Variants in GRIK1 observed in about 807,000 individuals in gnomAD.
GRIK1 encodes glutamate receptor ionotropic, kainate 1.
Under a neutral mutation model 105.7 loss-of-function variants are expected in GRIK1, and 69 were observed. The observed-to-expected ratio is 0.65, with a 90% CI of 0.54 to 0.80. The LOEUF (loss-of-function observed/expected upper bound fraction) is 0.80. Ranked by LOEUF, GRIK1 falls within the 30% of genes least tolerant of loss-of-function variation. The pLI, the probability that GRIK1 is intolerant of heterozygous loss-of-function variation, is 0.00. For synonymous variants in GRIK1, 438 were observed against 431.3 expected, an observed-to-expected ratio of 1.02 and a Z score of -0.19; for missense variants, 1,109 against 1,167.3, an observed-to-expected ratio of 0.95 and a Z score of 0.73.
chr21:29,844,580 A>C (rs910334441), intron 1 of GRIK1, among the ~76,000 whole-genome samples: 16 of 152,244 alleles, frequency 1.1e-4, no homozygotes, highest in African/African-American at 3.6e-4. Flanking sequence ...TGATTTAAGG[A>C]AAATATAACA....
At chr21:29,756,345 CA>C (rs1569054646) in intron 1 of GRIK1, among the ~76,000 whole-genome samples, 4 of 152,118 alleles carry the variant, frequency 2.6e-5, no homozygotes, top group African/African-American at 9.7e-5. Context: ...GGTGCCACTG[CA>C]CTCCAGCCTG....
chr21:29,628,524 G>C (rs111575580), intron 7 of GRIK1, among the ~76,000 whole-genome samples: 11 of 152,226 alleles, frequency 7.2e-5, no homozygotes, highest in African/African-American at 2.4e-4. Flanking sequence ...GGGTAAACTG[G>C]TTTTTATTTC....
chr21:29,777,946 G>A (rs759619579), intron 1 of GRIK1, among the ~76,000 whole-genome samples: 1 of 152,168 alleles, frequency 6.6e-6, no homozygotes, highest in Non-Finnish European at 1.5e-5. Context: ...TCACCATGAC[G>A]CAACACAAAG....
chr21:29,802,473 A>G (rs1389725115), intron 1 of GRIK1, among the ~76,000 whole-genome samples: 1 of 152,076 alleles, frequency 6.6e-6, no homozygotes, highest in Non-Finnish European at 1.5e-5. Context: ...TTTTCAAAAA[A>G]AATATTGCTC....
intron 1 of GRIK1, among the ~76,000 whole-genome samples, chr21:29,914,104 A>G (rs887583456): frequency 1.3e-5 from 2 of 151,958 alleles, no homozygotes; most frequent in African/African-American, 4.8e-5. Flanking sequence ...CCTGCATACT[A>G]TAGGACATTT....
chr21:29,740,141 G>A (rs1354181823), intron 1 of GRIK1, among the ~76,000 whole-genome samples: 2 of 152,020 alleles, frequency 1.3e-5, no homozygotes, highest in Non-Finnish European at 2.9e-5. Context: ...ACGATAGTAT[G>A]AGTAATAATA....
chr21:29,541,575 C>CTTTTTTTTTTTTTTTTT lies in GRIK1; in HGVS notation c.2608-3708_2608-3692dup, dbSNP rs34910439. ...CTATGCCATTCATTGCACTCACGGT[C>CTTTTTTTTTTTTTTTTT]TTTTTTTTTTTTTTTTTTTTTGTGG... On this transcript the variant is annotated intron_variant, in intron 16 of 17. Transcript: ENST00000327783. Among the ~76,000 whole-genome samples the CTTTTTTTTTTTTTTTTT allele has an allele frequency of 1.8e-3, 176 of 95,966 alleles. 21 individuals are homozygous for CTTTTTTTTTTTTTTTTT. The highest frequency in any genetic ancestry group is 8.0e-3 in the East Asian group (25 of 3,144). 63.0% of individuals were successfully genotyped at this position (95,966 alleles called of 152,430 possible).
chr21:29,880,418 A>G (rs1601929907), intron 1 of GRIK1, among the ~76,000 whole-genome samples: 3 of 152,168 alleles, frequency 2.0e-5, no homozygotes, highest in Non-Finnish European at 1.5e-5. Context: ...TGATCAGAGA[A>G]TCTTATTACA....
intron 1 of GRIK1, among the ~76,000 whole-genome samples, chr21:29,927,200 T>C (rs2146344661): frequency 6.6e-6 from 1 of 152,116 alleles, no homozygotes; most frequent in Admixed American, 6.5e-5. Context: ...GTAGAATAGG[T>C]AAAAGACAGA....
chr21:29,795,891 T>C (rs1003029110), intron 1 of GRIK1, among the ~76,000 whole-genome samples: 48 of 152,276 alleles, frequency 3.2e-4, no homozygotes, highest in African/African-American at 1.1e-3. Context: ...GTCTAACTTG[T>C]CTCATATTTG....
At chr21:29,541,272 T>C (rs1977525) in intron 16 of GRIK1, among the ~76,000 whole-genome samples, 108,844 of 152,092 alleles carry the variant, frequency 0.72, 39,343 homozygotes, top group Admixed American at 0.81. Context: ...GGCCTACAAG[T>C]GACTTTTAAT....
chr21:29,897,807 T>A (rs562623746), intron 1 of GRIK1, among the ~76,000 whole-genome samples: 1 of 152,356 alleles, frequency 6.6e-6, no homozygotes, highest in Admixed American at 6.5e-5. Context: ...CACTTCATTG[T>A]AGCTGTTCTG....
chr21:29,685,253 C>A (rs962588932), intron 3 of GRIK1, among the ~76,000 whole-genome samples: 1 of 152,172 alleles, frequency 6.6e-6, no homozygotes, highest in Admixed American at 6.5e-5. Flanking sequence ...AGCCATAGTA[C>A]AGAGTATGCA....
chr21:29,566,862 G>A (rs1291052533), intron 14 of GRIK1, among the ~76,000 whole-genome samples: 1 of 151,810 alleles, frequency 6.6e-6, no homozygotes, highest in African/African-American at 2.4e-5. Context: ...TCCAGGGTCT[G>A]TGTTCTTAAA....
In GRIK1 at chr21:29,763,381, C is replaced by T. The variant is rs376350344; in HGVS notation, c.119-69318G>A. 0.023 allele frequency among the ~76,000 whole-genome samples: 4 copies of T among 172 alleles called. No individual in the cohort carries two copies. In the Admixed American group the frequency reaches 0.38, roughly 16 times the overall value. 0.1% of individuals were successfully genotyped at this position (172 alleles called of 152,430 possible). ...AACCTCTTTTCTTCATAAATTACCC[C>T]ATTCAGGCATTCTTTACATGAAAAT... On this transcript the variant is annotated intron_variant, in intron 1 of 17. Transcript: ENST00000327783.
intron 16 of GRIK1, among the ~76,000 whole-genome samples, chr21:29,538,990 A>C (rs369943401): frequency 2.0e-5 from 3 of 152,262 alleles, no homozygotes; most frequent in East Asian, 3.9e-4. Context: ...TCTTTGAATA[A>C]AACTTTTTAT....
At chr21:29,890,129 C>T (rs2146216508) in intron 1 of GRIK1, among the ~76,000 whole-genome samples, 2 of 152,004 alleles carry the variant, frequency 1.3e-5, no homozygotes, top group South Asian at 4.2e-4. Flanking sequence ...CATTATTTAC[C>T]TCCCCAATTA....
intron 1 of GRIK1, among the ~76,000 whole-genome samples, chr21:29,756,763 A>T (rs996821680): frequency 4.6e-5 from 7 of 151,738 alleles, no homozygotes. Flanking sequence ...TTAAAAAAAT[A>T]AAAAAAATAA....
chr21:29,741,678 G>A (rs911246229), intron 1 of GRIK1, among the ~76,000 whole-genome samples: 2 of 152,102 alleles, frequency 1.3e-5, no homozygotes, highest in African/African-American at 4.8e-5. Context: ...TATATAGAAG[G>A]TTTCAGAGCT....
Sources: allele counts gnomAD v4.1 joint callset (sites outside exome capture counted in the v4.1 genomes callset), GRCh38; gene constraint gnomAD v4.1.1; transcripts MANE v1.5; gene names NCBI Gene and HGNC (gene_info 2026-07-23, HGNC 2026-07-21).